The following ZNF394 variants were observed in gnomAD, a reference collection of about 807,000 sequenced individuals.
ZNF394 encodes zinc finger protein 394, also known as zinc finger protein 99.
Under a neutral mutation model 21.8 loss-of-function variants are expected in ZNF394, and 19 were observed. The observed-to-expected ratio is 0.87, with a 90% CI of 0.61 to 1.28. ZNF394 has a LOEUF of 1.28. ZNF394 is among the 50% of genes most tolerant of loss of function. The pLI, the probability that ZNF394 is intolerant of heterozygous loss-of-function variation, is 0.00. For missense variants in ZNF394, 683 were observed against 708.6 expected, an observed-to-expected ratio of 0.96 and a Z score of 0.41; for synonymous variants, 294 against 273.3, an observed-to-expected ratio of 1.08 and a Z score of -0.75.
At position 99,499,837 on chromosome 7, in the gene ZNF394, C is replaced by A. The variant is rs746373846; in HGVS notation, c.257G>T (p.Arg86Leu). Residue 86 changes from arginine to leucine, a missense_variant, in exon 1 of 3, where the codon CGA becomes CTA. By Grantham distance (102) the Arg-to-Leu change is moderately radical. This residue lies in a region of ZNF394 where 402 missense variants were observed against 373.8 expected (regional missense o/e 1.08). Coordinates refer to ENST00000337673, the MANE Select transcript of ZNF394 (RefSeq NM_032164.4). Reference sequence around the variant, plus strand: ...TCTCAGCCACCGACGACAGAGTTCTCGGAGCCGGCTCAGCGCCTCTTCCGG... The same window carrying A: ...TCTCAGCCACCGACGACAGAGTTCTAGGAGCCGGCTCAGCGCCTCTTCCGG... The part of the protein sequence containing the change: ...AGPEEALSRL[R>L]ELCRRWLRPE... The A allele has an allele frequency of 8.7e-6, 14 of 1,614,078 alleles. No individual in the cohort carries two copies. Among genetic ancestry groups the A allele is most frequent in the Non-Finnish European group, 2.5e-6 (3 of 1,180,046 alleles).
rs1285527600 is a variant in ZNF394, at chr7:99,497,155, T to TATATATAA, written c.583+1560_583+1561insTTATATAT. On this transcript the variant is annotated intron_variant, in intron 2 of 2. Coordinates refer to ENST00000337673, the MANE Select transcript of ZNF394 (RefSeq NM_032164.4). ...ATATATATATATGTATATATATATA[T>TATATATAA]AAAATGTTTTTTCTTTTTTTTTTGA... 3.0e-3 allele frequency among the ~76,000 whole-genome samples: 397 copies of TATATATAA among 132,386 alleles called. 12 individuals carry two copies. The highest frequency in any genetic ancestry group is 0.011 in the African/African-American group (336 of 31,082). The allele number at this position is 132,386 out of a possible 152,430, so 86.9% of individuals were successfully genotyped here.
At chr7:99,498,301 T>C (rs1800399981) in intron 2 of ZNF394, 1 of 169,040 alleles carries the variant, frequency 5.9e-6, no homozygotes, top group Non-Finnish European at 1.3e-5. Flanking sequence ...AGAGACAATA[T>C]AAGACATGCA....
At position 99,494,544 on chromosome 7, in the gene ZNF394, G is replaced by A. The variant is rs139611807; in HGVS notation, c.671C>T (p.Ala224Val). The change falls in exon 3 of 3, where the codon GCG (alanine) becomes GTG (valine). Residue 224 changes from alanine to valine, a missense_variant. Around this residue, in one of 3 missense-constraint regions of ZNF394, gnomAD observed 402 missense variants for 373.8 expected, o/e 1.08. Transcript: ENST00000337673. ...EAEPQGQLQEAFQGKRPLFSK... is the reference protein window; with the variant it reads ...EAEPQGQLQEVFQGKRPLFSK... ...AAACAGGGGGCGCTTCCCCTGGAAC[G>A]CTTCTTGTAGTTGCCCCTGTGGCTC... 1.3e-4 allele frequency: 202 copies of A among 1,612,996 alleles called. No homozygotes were observed. The African/African-American group carries it at 1.5e-3, about 12-fold the overall frequency.
At chr7:99,493,071 T>C (rs1800196425), downstream of ZNF394, among the ~76,000 whole-genome samples, 1 of 152,172 alleles carries the variant, frequency 6.6e-6, no homozygotes, top group Non-Finnish European at 1.5e-5. Context: ...GAAGGCCCCC[T>C]ACTTCCTCAT....
chr7:99,498,098 G>A (rs1269561998), intron 2 of ZNF394: 3 of 152,144 alleles, frequency 2.0e-5, no homozygotes, highest in African/African-American at 7.2e-5. Flanking sequence ...AAGAATGTTC[G>A]GTGCAATGCT....
rs749221141 is a variant in ZNF394, at chr7:99,493,758, T to C, written c.1457A>G (p.Lys486Arg). The C allele has an allele frequency of 3.1e-6, 5 of 1,614,136 alleles. No homozygotes were observed. The highest frequency in any genetic ancestry group is 4.2e-6 in the Non-Finnish European group (5 of 1,180,010). ...CTCCCCAGTGTGGATTCTGTGGTGT[T>C]TAAAGAGGTCAGAGCGCTGTTTGAA... ...KSFKQRSDLF[K>R]HHRIHTGEKP... is the part of the protein sequence containing the mutation. The change falls in exon 3 of 3, where the codon AAA becomes AGA. Residue 486 changes from lysine (K) to arginine (R), a missense_variant. Transcript: ENST00000337673.
At chr7:99,490,700 C>T (rs140323675), downstream of ZNF394, among the ~76,000 whole-genome samples, 76 of 151,172 alleles carry the variant, frequency 5.0e-4, 1 homozygote, top group African/African-American at 1.7e-3. Context: ...GACATTCAGG[C>T]ACTTGTCACT....
At position 99,500,076 on chromosome 7, in the gene ZNF394, G is replaced by A. The variant is rs756522300; in HGVS notation, c.18C>T (p.Thr6=). ...CGGCGTCACTGCCGCGCCTCTGGGCGGTCAAGCTGGAATTCATCTTTCTCC... is the reference window on the plus strand; with the variant it reads ...CGGCGTCACTGCCGCGCCTCTGGGCAGTCAAGCTGGAATTCATCTTTCTCC... MNSSL[T]AQRRGSDAEL... is the part of the protein sequence containing the mutation. The change falls in exon 1 of 3, where the codon ACC becomes ACT. Residue 6 remains threonine (T), a synonymous_variant. Coordinates refer to ENST00000337673, the MANE Select transcript of ZNF394 (RefSeq NM_032164.4). 3 of 1,561,958 alleles carry A rather than the reference G, an allele frequency of 1.9e-6. No homozygotes were observed. Among genetic ancestry groups the A allele is most frequent in the Admixed American group, 3.7e-5 (2 of 54,474 alleles).
At chr7:99,486,642 T>C (rs774001586) in exon 2 of ZNF394, 2 of 1,614,236 alleles carry the variant, frequency 1.2e-6, no homozygotes, top group East Asian at 2.2e-5. Flanking sequence ...TTACTTTCCC[T>C]ACTAGTGGTG....
intron 2 of ZNF394, among the ~76,000 whole-genome samples, chr7:99,497,155 T>TATATATATATAA (rs1285527600): frequency 2.3e-4 from 30 of 132,580 alleles, no homozygotes; most frequent in East Asian, 1.2e-3. Flanking sequence ...TATATATATA[T>TATATATATATAA]AAAATGTTTT....
intron 1 of ZNF394, 83 bp from the exon 2 acceptor site, chr7:99,498,925 G>C: frequency 1.3e-6 from 2 of 1,485,090 alleles, no homozygotes; most frequent in Non-Finnish European, 1.8e-6. Context: ...ACCGACAAGG[G>C]AGTTTGGAGA....
rs189150179 is a variant in ZNF394, at chr7:99,500,110, C to T, written c.-17G>A. On this transcript the variant is annotated 5_prime_UTR_variant, in exon 1 of 3. Transcript: ENST00000337673. Reference sequence around the variant, plus strand: ...GGAATTCATCTTTCTCCGGCATGTGCTGCCCTTCCTGGAGTCTTCTTTTCA... The same window carrying T: ...GGAATTCATCTTTCTCCGGCATGTGTTGCCCTTCCTGGAGTCTTCTTTTCA... The T allele has an allele frequency of 2.5e-3, 3,873 of 1,526,718 alleles. 8 individuals carry two copies. The highest frequency in any genetic ancestry group is 3.2e-3 in the Non-Finnish European group (3,654 of 1,144,868). 94.6% of individuals were successfully genotyped at this position (1,526,718 alleles called of 1,614,324 possible). A position where few individuals can be genotyped will look rare whatever the true frequency, so the allele number is the denominator to read the frequency against.
chr7:99,498,459 A>C (rs1800404707), intron 2 of ZNF394: 1 of 363,028 alleles, frequency 2.8e-6, no homozygotes, highest in African/African-American at 2.1e-5. Flanking sequence ...AGATCTGATA[A>C]ACTTGGGTGG....
chr7:99,496,400 G>C (rs75887047), intron 2 of ZNF394, among the ~76,000 whole-genome samples: 5 of 151,790 alleles, frequency 3.3e-5, no homozygotes, highest in Admixed American at 2.6e-4. Flanking sequence ...GCTTCCTACA[G>C]AGTAGAGTAG....
chr7:99,487,827 C>T (rs182502339), intron 1 of ZNF394, among the ~76,000 whole-genome samples: 10 of 151,424 alleles, frequency 6.6e-5, no homozygotes, highest in Admixed American at 6.6e-4. Flanking sequence ...AATCCCAGCA[C>T]TTTGGGAGGC....
downstream of ZNF394, chr7:99,493,178 A>G: frequency 9.6e-7 from 1 of 1,040,220 alleles, no homozygotes; most frequent in Non-Finnish European, 1.2e-6. Flanking sequence ...ATTGACTGAT[A>G]TACTCCAAAT....
rs781093559 is a variant in ZNF394 at position 99,494,099 on chromosome 7, G to A, written c.1116C>T (p.Asp372=). 6.2e-6 allele frequency: 10 copies of A among 1,614,078 alleles called. No individual in the cohort carries two copies. The highest frequency in any genetic ancestry group is 8.5e-6 in the Non-Finnish European group (10 of 1,180,044). ...TGTGGATTCTCTGGTGTCTAAAGAG[G>A]TCAGAGCGTTGTTTGAAACTCTTCC... The part of the protein sequence containing the change: ...NCGKSFKQRS[D]LFRHQRIHTG... Residue 372 remains aspartate (D), a synonymous_variant, in exon 3 of 3, where the codon GAC becomes GAT. Transcript: ENST00000337673.
intron 2 of ZNF394, among the ~76,000 whole-genome samples, chr7:99,496,728 A>AT (rs1562894393): frequency 6.6e-6 from 1 of 150,932 alleles, no homozygotes; most frequent in South Asian, 2.1e-4. Flanking sequence ...ATGTATTACT[A>AT]TTTTTTTTAT....
chr7:99,492,099 TCAG>T (rs1800176896), downstream of ZNF394, among the ~76,000 whole-genome samples: 2 of 137,036 alleles, frequency 1.5e-5, no homozygotes, highest in Admixed American at 1.5e-4. Flanking sequence ...AAAAAAGAAA[TCAG>T]CAAGTCATAA....
Sources: allele counts gnomAD v4.1 joint callset (sites outside exome capture counted in the v4.1 genomes callset), GRCh38; gene constraint gnomAD v4.1.1; regional missense constraint gnomAD v4.1.1; transcripts MANE v1.5; gene names NCBI Gene and HGNC (gene_info 2026-07-23, HGNC 2026-07-21).